HYAL2: variants seen among roughly 807,000 people sequenced by gnomAD.
The protein encoded by HYAL2 is hyaluronidase-2.
HYAL2 carries 30 observed loss-of-function variants against 35.4 expected under a neutral mutation model. The observed-to-expected ratio is 0.85, with a 90% CI of 0.63 to 1.15. The LOEUF is 1.15. HYAL2 is among the 50% of genes most tolerant of loss of function. HYAL2 has a pLI of 0.00. For synonymous variants in HYAL2, 262 were observed against 252.8 expected, an observed-to-expected ratio of 1.04 and a Z score of -0.34; for missense variants, 635 against 646.5, an observed-to-expected ratio of 0.98 and a Z score of 0.19.
rs781999680 is a variant in HYAL2, at chr3:50,318,939, G to C, written c.1011+17C>G. 4 of 1,608,702 alleles carry C rather than the reference G, an allele frequency of 2.5e-6. No individual in the cohort carries two copies. In the East Asian group the frequency reaches 6.7e-5, roughly 27 times the overall value. On this transcript the variant is annotated intron_variant, in intron 3 of 3. Coordinates refer to ENST00000357750, the MANE Select transcript of HYAL2 (RefSeq NM_003773.5). The surrounding 1 kb of genome is among the most constrained non-coding windows in gnomAD (Gnocchi z 4.5). The stretch of plus-strand genomic sequence containing the variant: ...CTGTCCCATAGACTGAGCTCTGGCA[G>C]GCTGGGTCTCGCTTACCGTGCTTGT...
intron 1 of HYAL2, chr3:50,321,156 G>C (rs112401693): frequency 6.6e-6 from 1 of 152,232 alleles, no homozygotes; most frequent in East Asian, 1.9e-4. Flanking sequence ...CACCGGGAAT[G>C]CGCGCGCTCG....
chr3:50,321,219 C>A (rs1323952164), intron 1 of HYAL2: 1 of 152,118 alleles, frequency 6.6e-6, no homozygotes, highest in African/African-American at 2.4e-5. Context: ...GGTCTTTGTG[C>A]GGGACCCCGC....
At position 50,320,555 on chromosome 3, in the gene HYAL2, G is replaced by A. The variant is rs1365452820; in HGVS notation, c.-46-20C>T. ...CAGGAACTGGAAGAAGGGTTGGGGA[G>A]AACAAGTCAGTCTAGGGAATACTGG... On this transcript the variant is annotated intron_variant, in intron 1 of 3. Transcript: ENST00000357750. This position sits in a 1 kb window ranked among gnomAD's most constrained non-coding sequence, Gnocchi z 4.8. The A allele has an allele frequency of 5.8e-6, 8 of 1,384,240 alleles. No homozygotes were observed. Among genetic ancestry groups the A allele is most frequent in the Non-Finnish European group, 5.7e-6 (6 of 1,045,778 alleles). 85.7% of individuals were successfully genotyped at this position (1,384,240 alleles called of 1,614,324 possible). A position where few individuals can be genotyped will look rare whatever the true frequency, so the allele number is the denominator to read the frequency against.
Position 50,318,952 on chromosome 3 carries a change from T to G in HYAL2, c.1011+4A>C. 3 of 1,613,200 alleles carry G rather than the reference T, an allele frequency of 1.9e-6. No homozygotes were observed. Among genetic ancestry groups the G allele is most frequent in the Non-Finnish European group, 2.5e-6 (3 of 1,179,418 alleles). ...TGAGCTCTGGCAGGCTGGGTCTCGC[T>G]TACCGTGCTTGTGGTGTACCCCGCG... On this transcript the variant is annotated splice_donor_region_variant and intron_variant, in intron 3 of 3. Coordinates refer to ENST00000357750, the MANE Select transcript of HYAL2 (RefSeq NM_003773.5). The surrounding 1 kb of genome is among the most constrained non-coding windows in gnomAD (Gnocchi z 4.5).
In HYAL2 at chr3:50,320,559, A is replaced by C. The variant is rs1164750175; in HGVS notation, c.-46-24T>G. ...AACTGGAAGAAGGGTTGGGGAGAAC[A>C]AGTCAGTCTAGGGAATACTGGAAGT... On this transcript the variant is annotated intron_variant, in intron 1 of 3. Transcript: ENST00000357750. This position sits in a 1 kb window ranked among gnomAD's most constrained non-coding sequence, Gnocchi z 4.8. The C allele has an allele frequency of 2.2e-6, 3 of 1,374,846 alleles. No homozygotes were observed. The highest frequency in any genetic ancestry group is 2.9e-5 in the African/African-American group (2 of 68,600). 85.2% of individuals were successfully genotyped at this position (1,374,846 alleles called of 1,614,324 possible).
intron 2 of HYAL2, 30 bp downstream of exon 2, chr3:50,319,539 G>A (rs782256744): frequency 6.4e-7 from 1 of 1,574,222 alleles, no homozygotes; most frequent in African/African-American, 1.4e-5. Context: ...CAAGGAAGGA[G>A]AAAAAAGGCA....
Position 50,319,715 on chromosome 3 carries a change from C to T in HYAL2, c.775G>A (p.Ala259Thr). ...FPSVYLDETL[A>T]SSRHGRNFVS... ...AAGTTGCGGCCATGGCGGGAGGAAGCAAGTGTCTCGTCCAGGTAGACAGAC... is the reference window on the plus strand; with the variant it reads ...AAGTTGCGGCCATGGCGGGAGGAAGTAAGTGTCTCGTCCAGGTAGACAGAC... Residue 259 changes from alanine (A) to threonine (T), a missense_variant, in exon 2 of 4, where the codon GCT becomes ACT. Coordinates refer to ENST00000357750, the MANE Select transcript of HYAL2 (RefSeq NM_003773.5). 1 of 1,613,804 alleles carries T rather than the reference C, an allele frequency of 6.2e-7. No homozygotes were observed. Among genetic ancestry groups the T allele is most frequent in the Non-Finnish European group, 8.5e-7 (1 of 1,180,030 alleles).
intron 1 of HYAL2, chr3:50,321,612 G>A (rs1420307061): frequency 2.0e-5 from 3 of 152,154 alleles, no homozygotes; most frequent in African/African-American, 7.2e-5. Flanking sequence ...AGAGCCCCAG[G>A]TCCTCTGCAG....
In HYAL2 at chr3:50,320,856, G is replaced by C. The variant is rs587689892; in HGVS notation, c.-46-321C>G. 35 of 219,608 alleles carry C rather than the reference G, an allele frequency of 1.6e-4. No individual in the cohort carries two copies. The Admixed American group carries it at 1.8e-3, about 11-fold the overall frequency. The allele number at this position is 219,608 out of a possible 1,614,324, so 13.6% of individuals were successfully genotyped here. On this transcript the variant is annotated intron_variant, in intron 1 of 3. Transcript: ENST00000357750. The surrounding 1 kb of genome is among the most constrained non-coding windows in gnomAD (Gnocchi z 4.8). Reference sequence around the variant, plus strand: ...GCATACCATCCAGTACATGGTTTCAGAGAACCCTGAACAGCTGATGCCCAC... The same window carrying C: ...GCATACCATCCAGTACATGGTTTCACAGAACCCTGAACAGCTGATGCCCAC...
In HYAL2 at chr3:50,318,665, C is replaced by T; in HGVS notation, c.1012-126G>A. 4 of 939,810 alleles carry T rather than the reference C, an allele frequency of 4.3e-6. No homozygotes were observed. Among genetic ancestry groups the T allele is most frequent in the Non-Finnish European group, 6.3e-6 (4 of 632,510 alleles). 58.2% of individuals were successfully genotyped at this position (939,810 alleles called of 1,614,324 possible). A position where few individuals can be genotyped will look rare whatever the true frequency, so the allele number is the denominator to read the frequency against. ...AACTGCACACATTCATACATTCAATCTGCACCTGAGCCACACAGTCCCTGC... is the reference window on the plus strand; with the variant it reads ...AACTGCACACATTCATACATTCAATTTGCACCTGAGCCACACAGTCCCTGC... On this transcript the variant is annotated intron_variant, in intron 3 of 3. Transcript: ENST00000357750. The surrounding 1 kb of genome is among the most constrained non-coding windows in gnomAD (Gnocchi z 4.5).
chr3:50,319,093 T>C, intron 2 of HYAL2, 48 bp from the exon 3 acceptor site: 4 of 1,408,252 alleles, frequency 2.8e-6, no homozygotes, highest in Non-Finnish European at 3.9e-6. Context: ...GACCACAGGG[T>C]GACAGGAACA....
In HYAL2 at chr3:50,318,382, C is replaced by T; in HGVS notation, c.1169G>A (p.Ser390Asn). The T allele has an allele frequency of 6.2e-7, 1 of 1,613,378 alleles. No individual in the cohort carries two copies. Among genetic ancestry groups the T allele is most frequent in the South Asian group, 1.1e-5 (1 of 91,092 alleles). Reference sequence around the variant, plus strand: ...AGGCACTAGGCGGAAACTGTTGGTGCTGAGATGCAGGAAGGTACTGGCACT... The same window carrying T: ...AGGCACTAGGCGGAAACTGTTGGTGTTGAGATGCAGGAAGGTACTGGCACT... ...NPSASTFLHL[S>N]TNSFRLVPGH... Residue 390 changes from serine (S) to asparagine (N), a missense_variant, in exon 4 of 4, where the codon AGC becomes AAC. Transcript: ENST00000357750. This position sits in a 1 kb window ranked among gnomAD's most constrained non-coding sequence, Gnocchi z 4.5.
rs1050074 is a variant in HYAL2 at position 50,319,705 on chromosome 3, C to A, written c.785G>T (p.Arg262Leu). The change falls in exon 2 of 4, where the codon CGC becomes CTC. Residue 262 changes from arginine to leucine, a missense_variant. By Grantham distance (102) the Arg-to-Leu change is moderately radical. Transcript: ENST00000357750. ...VYLDETLASS[R>L]HGRNFVSFRV... Reference sequence around the variant, plus strand: ...GAAGCTCACAAAGTTGCGGCCATGGCGGGAGGAAGCAAGTGTCTCGTCCAG... The same window carrying A: ...GAAGCTCACAAAGTTGCGGCCATGGAGGGAGGAAGCAAGTGTCTCGTCCAG... 1.9e-6 allele frequency: 3 copies of A among 1,613,706 alleles called. No homozygotes were observed. The highest frequency in any genetic ancestry group is 2.5e-6 in the Non-Finnish European group (3 of 1,180,042).
chr3:50,318,047 G>T lies in HYAL2; in HGVS notation c.*82C>A. 1 of 1,443,510 alleles carries T rather than the reference G, an allele frequency of 6.9e-7. No homozygotes were observed. Among genetic ancestry groups the T allele is most frequent in the Non-Finnish European group, 9.3e-7 (1 of 1,071,908 alleles). 89.4% of individuals were successfully genotyped at this position (1,443,510 alleles called of 1,614,324 possible). ...CTCTGCCCACTCCAGACTCCAGTTTGTCCACCCCCTGCAGGGTCCTACATG... is the reference window on the plus strand; with the variant it reads ...CTCTGCCCACTCCAGACTCCAGTTTTTCCACCCCCTGCAGGGTCCTACATG... On this transcript the variant is annotated 3_prime_UTR_variant, in exon 4 of 4. Coordinates refer to ENST00000357750, the MANE Select transcript of HYAL2 (RefSeq NM_003773.5). The surrounding 1 kb of genome is among the most constrained non-coding windows in gnomAD (Gnocchi z 4.5).
Position 50,320,611 on chromosome 3 carries a change from C to A in HYAL2, c.-46-76G>T. ...CCCACCTCAAGCCCATCTATGCTCC[C>A]AAAGCCCATGCTGTGTGGGGGCACT... On this transcript the variant is annotated intron_variant, in intron 1 of 3. Transcript: ENST00000357750. This position sits in a 1 kb window ranked among gnomAD's most constrained non-coding sequence, Gnocchi z 4.8. 1 of 922,890 alleles carries A rather than the reference C, an allele frequency of 1.1e-6. No individual in the cohort carries two copies. Among genetic ancestry groups the A allele is most frequent in the South Asian group, 1.8e-5 (1 of 56,272 alleles). The allele number at this position is 922,890 out of a possible 1,614,324, so 57.2% of individuals were successfully genotyped here.
At position 50,318,341 on chromosome 3, in the gene HYAL2, C is replaced by T. The variant is rs782157332; in HGVS notation, c.1210G>A (p.Glu404Lys). 3.1e-6 allele frequency: 5 copies of T among 1,613,492 alleles called. No individual in the cohort carries two copies. The South Asian group carries it at 5.5e-5, about 18-fold the overall frequency. Residue 404 changes from glutamate (E) to lysine (K), a missense_variant, in exon 4 of 4, where the codon GAA (glutamate) becomes AAA (lysine). Glu to Lys is a moderately conservative substitution (Grantham distance 56). Coordinates refer to ENST00000357750, the MANE Select transcript of HYAL2 (RefSeq NM_003773.5). The surrounding 1 kb of genome is among the most constrained non-coding windows in gnomAD (Gnocchi z 4.5). ...TCCCCCACAGGTCGCAGCTGGGGTT[C>T]ACCAGGTGCATGGCCAGGCACTAGG... ...FRLVPGHAPG[E>K]PQLRPVGELS...
In HYAL2 at chr3:50,318,302, C is replaced by T. The variant is rs782485249; in HGVS notation, c.1249G>A (p.Asp417Asn). The change falls in exon 4 of 4, where the codon GAC becomes AAC. Residue 417 changes from aspartate (D) to asparagine (N), a missense_variant. Physicochemically the swap from Asp to Asn is conservative, Grantham distance 23. Coordinates refer to ENST00000357750, the MANE Select transcript of HYAL2 (RefSeq NM_003773.5). This position sits in a 1 kb window ranked among gnomAD's most constrained non-coding sequence, Gnocchi z 4.5. ...LRPVGELSWA[D>N]IDHLQTHFRC... is the part of the protein sequence containing the mutation. ...AAGTGTGTCTGCAGGTGGTCAATGT[C>T]GGCCCAACTGAGCTCCCCCACAGGT... is the stretch of plus-strand genomic sequence containing the variant. 7.4e-6 allele frequency: 12 copies of T among 1,613,442 alleles called. No homozygotes were observed. The highest frequency in any genetic ancestry group is 1.1e-5 in the South Asian group (1 of 91,094).
Position 50,318,550 on chromosome 3 carries a change from A to C in HYAL2, c.1012-11T>G. 6.3e-7 allele frequency: 1 copy of C among 1,590,064 alleles called. No individual in the cohort carries two copies. The highest frequency in any genetic ancestry group is 8.6e-7 in the Non-Finnish European group (1 of 1,165,638). On this transcript the variant is annotated splice_polypyrimidine_tract_variant and intron_variant, in intron 3 of 3. Transcript: ENST00000357750. This position sits in a 1 kb window ranked among gnomAD's most constrained non-coding sequence, Gnocchi z 4.5. ...GTACTGGCAGGTCTCCTGGAGGCAGAAGACAAGGACCACAGGTCAGGGTCA... is the reference window on the plus strand; with the variant it reads ...GTACTGGCAGGTCTCCTGGAGGCAGCAGACAAGGACCACAGGTCAGGGTCA...
At position 50,322,448 on chromosome 3, in the gene HYAL2, T is replaced by A. The variant is rs1702719673; in HGVS notation, c.-47+205A>T. 6.6e-6 allele frequency: 1 copy of A among 151,840 alleles called. No individual in the cohort carries two copies. 9.4% of individuals were successfully genotyped at this position (151,840 alleles called of 1,614,324 possible). A position where few individuals can be genotyped will look rare whatever the true frequency, so the allele number is the denominator to read the frequency against. On this transcript the variant is annotated intron_variant, in intron 1 of 3. Transcript: ENST00000357750. This position sits in a 1 kb window ranked among gnomAD's most constrained non-coding sequence, Gnocchi z 5.5. ...CCTACGCTCCACAGGCCTCTCCCGG[T>A]GGGGGGCAGGCTTAGACCCTGGCGA...
Sources: gnomAD v4.1 joint callset for allele counts on GRCh38, gnomAD v4.1.1 for gene constraint, Gnocchi (gnomAD v3.1) non-coding constraint, MANE v1.5 for transcripts, NCBI Gene and HGNC (gene_info 2026-07-23, HGNC 2026-07-21) for gene names.